The following MAEL variants were observed in gnomAD, a reference collection of about 807,000 sequenced individuals.
MAEL encodes maelstrom spermatogenic transposon silencer, also known as protein maelstrom homolog.
Under a neutral mutation model 62.0 loss-of-function variants are expected in MAEL, and 46 were observed. The observed-to-expected ratio is 0.74, with a 90% CI of 0.59 to 0.95. MAEL has a LOEUF of 0.95. Ranked by LOEUF, MAEL falls within the 40% of genes least tolerant of loss-of-function variation. The probability of loss-of-function intolerance (pLI) is 0.00; values close to 1 mark genes in which losing one functional copy is unlikely to be tolerated. For missense variants in MAEL, 497 were observed against 526.8 expected (o/e 0.94, Z 0.55); for synonymous variants, 172 against 175.5 (o/e 0.98, Z 0.16).
chr1:166,991,240 G>T, intron 2 of MAEL, 138 bp from the exon 3 acceptor site: 1 of 632,100 alleles, frequency 1.6e-6, no homozygotes. Context: ...TGGTATTATT[G>T]ACAGATATAT....
At chr1:167,003,388 C>G (rs936623459) in intron 5 of MAEL, among the ~76,000 whole-genome samples, 3 of 152,070 alleles carry the variant, frequency 2.0e-5, no homozygotes, top group African/African-American at 7.2e-5. Context: ...TATTTGTTCT[C>G]GTTCTTGTTT....
chr1:166,989,401 G>A lies in MAEL; in HGVS notation c.49G>A (p.Glu17Lys), dbSNP rs1664058534. The A allele has an allele frequency of 6.2e-7, 1 of 1,607,372 alleles. No homozygotes were observed. Among genetic ancestry groups the A allele is most frequent in the African/African-American group, 1.3e-5 (1 of 74,980 alleles). Residue 17 changes from glutamate to lysine, a missense_variant, in exon 1 of 12, where the codon GAG becomes AAG. Transcript: ENST00000367872. ...GAATGCTTACTATTTCTTCGTGCAG[G>A]AGAAGATCCCCGAACTACGGCGACG... Reference protein sequence around the residue: ...SRNAYYFFVQEKIPELRRRGL... With the variant: ...SRNAYYFFVQKKIPELRRRGL...
upstream of MAEL, among the ~76,000 whole-genome samples, chr1:166,986,681 G>T (rs752974807): frequency 4.6e-5 from 7 of 151,968 alleles, no homozygotes; most frequent in Non-Finnish European, 1.0e-4. Context: ...GGAAAAATTA[G>T]AAACATAATA....
Position 167,021,145 on chromosome 1 carries a change from T to A in MAEL, c.1102T>A (p.Ser368Thr). Residue 368 changes from serine to threonine, a missense_variant, in exon 11 of 12, where the codon TCA (serine) becomes ACA (threonine). Coordinates refer to ENST00000367872, the MANE Select transcript of MAEL (RefSeq NM_032858.3). The part of the protein sequence containing the change: ...HFNSSNEEQR[S>T]NTPIGDYPSR... ...CAACTCTTCTAATGAGGAACAAAGA[T>A]CAAACACACCCATTGGTAAGCAACT... The A allele has an allele frequency of 6.2e-7, 1 of 1,611,884 alleles. No homozygotes were observed. Among genetic ancestry groups the A allele is most frequent in the South Asian group, 1.1e-5 (1 of 90,982 alleles).
chr1:166,993,909 T>A (rs1664296282), intron 4 of MAEL, 119 bp from the exon 5 acceptor site: 18 of 677,266 alleles, frequency 2.7e-5, no homozygotes, highest in Middle Eastern at 6.4e-4. Context: ...TAATCTTTTG[T>A]ATTTTCATGT....
intron 5 of MAEL, among the ~76,000 whole-genome samples, chr1:166,997,994 C>G (rs1664499521): frequency 6.6e-6 from 1 of 152,112 alleles, no homozygotes; most frequent in South Asian, 2.1e-4. Context: ...TGTATCATAT[C>G]ATGTTTCTGT....
chr1:167,015,415 AC>A, intron 8 of MAEL, among the ~76,000 whole-genome samples: 1 of 152,188 alleles, frequency 6.6e-6, no homozygotes, highest in East Asian at 1.9e-4. Flanking sequence ...CAAATAATGG[AC>A]TTTTTACACT....
rs1309419195 is a variant in MAEL at position 166,989,438 on chromosome 1, T to C, written c.86T>C (p.Val29Ala). ...GAACTACGGCGACGAGGCCTGCCTG[T>C]GGCTCGCGTTGCTGATGCCATCCCT... ...IPELRRRGLP[V>A]ARVADAIPYC... The change falls in exon 1 of 12, where the codon GTG becomes GCG. Residue 29 changes from valine to alanine, a missense_variant. Physicochemically the swap from Val to Ala is moderately conservative, Grantham distance 64. Coordinates refer to ENST00000367872, the MANE Select transcript of MAEL (RefSeq NM_032858.3). 6.3e-7 allele frequency: 1 copy of C among 1,592,626 alleles called. No individual in the cohort carries two copies. The highest frequency in any genetic ancestry group is 1.8e-5 in the Admixed American group (1 of 56,178).
chr1:166,980,153 G>A (rs1663715470), intron 1 of MAEL, among the ~76,000 whole-genome samples: 2 of 152,066 alleles, frequency 1.3e-5, no homozygotes, highest in Admixed American at 1.3e-4. Context: ...AAGTAGCTGG[G>A]ACTGCAAGTG....
chr1:166,977,454 C>T (rs1466146553), intron 1 of MAEL, among the ~76,000 whole-genome samples: 1 of 152,192 alleles, frequency 6.6e-6, no homozygotes, highest in East Asian at 1.9e-4. Flanking sequence ...TAACTAACTT[C>T]TCTAAGATCA....
intron 5 of MAEL, among the ~76,000 whole-genome samples, chr1:167,003,301 A>G (rs563501909): frequency 6.6e-6 from 1 of 152,320 alleles, no homozygotes; most frequent in East Asian, 1.9e-4. Context: ...TGGTAATTTG[A>G]TCGCCTCAGA....
Position 167,006,601 on chromosome 1 carries a change from CTATATATA to C in MAEL, c.845+1233_845+1240del, listed in dbSNP as rs200881169. Among the ~76,000 whole-genome samples, 729 of 98,056 alleles carry C rather than the reference CTATATATA, an allele frequency of 7.4e-3. 15 individuals carry two copies. Among genetic ancestry groups the C allele is most frequent in the African/African-American group, 0.022 (638 of 28,816 alleles). The allele number at this position is 98,056 out of a possible 152,430, so 64.3% of individuals were successfully genotyped here. ...CTATTGGAAAGTTACTGGTTTTTTA[CTATATATA>C]TATATATATATATATATATATATAT... is the stretch of plus-strand genomic sequence containing the variant. On this transcript the variant is annotated intron_variant, in intron 8 of 11. Coordinates refer to ENST00000367872, the MANE Select transcript of MAEL (RefSeq NM_032858.3).
At chr1:167,000,779 A>C (rs575440744) in intron 5 of MAEL, among the ~76,000 whole-genome samples, 1 of 152,354 alleles carries the variant, frequency 6.6e-6, no homozygotes, top group South Asian at 2.1e-4. Flanking sequence ...ACATCAAGAC[A>C]GGATCTTCCA....
chr1:166,992,921 C>T (rs1264358115), intron 4 of MAEL, 80 bp downstream of exon 4: 6 of 1,169,592 alleles, frequency 5.1e-6, no homozygotes, highest in Non-Finnish European at 7.0e-6. Flanking sequence ...GATAATAGTA[C>T]TTTTTCTTAC....
rs149274860 is a variant in MAEL at position 166,997,736 on chromosome 1, A to G, written c.523+3667A>G. ...TATTTTTAATTTGGTAAATGTGTCG[A>G]TATTTTTTATCATTTATGGCGTTTT... On this transcript the variant is annotated intron_variant, in intron 5 of 11. Transcript: ENST00000367872. Among the ~76,000 whole-genome samples, 187 of 152,182 alleles carry G rather than the reference A, an allele frequency of 1.2e-3. 2 individuals are homozygous for G. In the East Asian group the frequency reaches 0.03, roughly 24 times the overall value.
At chr1:166,995,929 A>T (rs1664407211) in intron 5 of MAEL, among the ~76,000 whole-genome samples, 2 of 152,218 alleles carry the variant, frequency 1.3e-5, no homozygotes, top group South Asian at 4.1e-4. Flanking sequence ...AACAGAAAGC[A>T]TGGTTCTTTA....
intron 5 of MAEL, among the ~76,000 whole-genome samples, chr1:166,995,599 G>C (rs1347911811): frequency 6.6e-6 from 1 of 151,224 alleles, no homozygotes; most frequent in Non-Finnish European, 1.5e-5. Context: ...GAAAAATTCT[G>C]TACTTGCTTT....
chr1:167,001,809 T>G (rs937133023), intron 5 of MAEL, among the ~76,000 whole-genome samples: 1 of 152,196 alleles, frequency 6.6e-6, no homozygotes, highest in Non-Finnish European at 1.5e-5. Context: ...TGAGACAGAG[T>G]CTCACTCCAT....
Position 167,021,783 on chromosome 1 carries a change from C to T in MAEL, c.1233C>T (p.Ser411=), listed in dbSNP as rs1022673608. The T allele has an allele frequency of 1.9e-6, 3 of 1,612,704 alleles. No individual in the cohort carries two copies. The highest frequency in any genetic ancestry group is 2.7e-5 in the African/African-American group (2 of 74,872). The part of the protein sequence containing the change: ...SNSSSNIHKF[S]NCDTSLSPYM... ...CTTCCAGCAATATCCACAAATTCTCCAACTGTGACACTTCACTCTCACCTT... is the reference window on the plus strand; with the variant it reads ...CTTCCAGCAATATCCACAAATTCTCTAACTGTGACACTTCACTCTCACCTT... Residue 411 remains serine, a synonymous_variant, in exon 12 of 12, where the codon TCC becomes TCT. Transcript: ENST00000367872.
Sources: allele counts gnomAD v4.1 joint callset (sites outside exome capture counted in the v4.1 genomes callset), GRCh38; gene constraint gnomAD v4.1.1; transcripts MANE v1.5; gene names NCBI Gene and HGNC (gene_info 2026-07-23, HGNC 2026-07-21).